Variants in CCDC175 observed in about 807,000 individuals in gnomAD.
CCDC175 encodes the protein coiled-coil domain-containing protein 175.
CCDC175 carries 100 observed loss-of-function variants against 114.6 expected under a neutral mutation model. The ratio of observed to expected loss-of-function variants is 0.87; its 90% CI spans 0.74 to 1.03. CCDC175 has a LOEUF of 1.03. CCDC175 is among the 50% of genes least tolerant of loss of function. The probability of loss-of-function intolerance (pLI) is 0.00; values close to 1 mark genes in which losing one functional copy is unlikely to be tolerated. For synonymous variants in CCDC175, 306 were observed against 308.7 expected (o/e 0.99, Z 0.09); for missense variants, 880 against 917.8 (o/e 0.96, Z 0.53).
intron 1 of CCDC175, 134 bp downstream of exon 1, chr14:59,576,485 C>A: frequency 1.2e-6 from 1 of 808,434 alleles, no homozygotes; most frequent in East Asian, 3.4e-5. Flanking sequence ...CTCCAAGGAG[C>A]GGGGAGAAGG....
chr14:59,559,617 A>G (rs1896115832), intron 7 of CCDC175, among the ~76,000 whole-genome samples: 1 of 152,104 alleles, frequency 6.6e-6, no homozygotes, highest in Non-Finnish European at 1.5e-5. Context: ...TGATTCTTCA[A>G]ATCCACCAAG....
chr14:59,505,276 A>G lies in CCDC175; in HGVS notation c.2345T>C (p.Val782Ala). 1 of 1,510,916 alleles carries G rather than the reference A, an allele frequency of 6.6e-7. No homozygotes were observed. Among genetic ancestry groups the G allele is most frequent in the Non-Finnish European group, 8.9e-7 (1 of 1,129,102 alleles). The allele number at this position is 1,510,916 out of a possible 1,614,324, so 93.6% of individuals were successfully genotyped here. ...KHIRTRVHFP[V>A]VKCTEKNTLT... ...TGTATTTTTCTCAGTACATTTAACCACTGGGAAATGAACCCTTGTACGAAT... is the reference window on the plus strand; with the variant it reads ...TGTATTTTTCTCAGTACATTTAACCGCTGGGAAATGAACCCTTGTACGAAT... Residue 782 changes from valine to alanine, a missense_variant, in exon 20 of 20, where the codon GTG (valine) becomes GCG (alanine). Val to Ala is a moderately conservative substitution (Grantham distance 64, BLOSUM62 0). Coordinates refer to ENST00000537690, the MANE Select transcript of CCDC175 (RefSeq NM_001164399.2).
chr14:59,555,369 A>G (rs894608269), intron 7 of CCDC175, among the ~76,000 whole-genome samples: 2 of 152,234 alleles, frequency 1.3e-5, no homozygotes, highest in Non-Finnish European at 2.9e-5. Context: ...AAGCCACATG[A>G]TTATCTCAAT....
In CCDC175 at chr14:59,510,820, G is replaced by A; in HGVS notation, c.2143-12C>T. On this transcript the variant is annotated splice_polypyrimidine_tract_variant and intron_variant, in intron 18 of 19. Coordinates refer to ENST00000537690, the MANE Select transcript of CCDC175 (RefSeq NM_001164399.2). Reference sequence around the variant, plus strand: ...TTGTCCACCAAGATCTAAAGAAATGGCATTTTAGGCTGTGTCAATATAAAT... The same window carrying A: ...TTGTCCACCAAGATCTAAAGAAATGACATTTTAGGCTGTGTCAATATAAAT... 1 of 1,530,310 alleles carries A rather than the reference G, an allele frequency of 6.5e-7. No homozygotes were observed. The highest frequency in any genetic ancestry group is 8.8e-7 in the Non-Finnish European group (1 of 1,141,788). The allele number at this position is 1,530,310 out of a possible 1,614,324, so 94.8% of individuals were successfully genotyped here.
chr14:59,540,805 ACT>A, intron 10 of CCDC175, 59 bp from the exon 11 acceptor site: 2 of 1,326,848 alleles, frequency 1.5e-6, no homozygotes, highest in East Asian at 5.0e-5. Context: ...TATACAATAG[ACT>A]CTATACGCAT....
At chr14:59,542,938 T>C (rs1271028418) in intron 10 of CCDC175, among the ~76,000 whole-genome samples, 2 of 152,200 alleles carry the variant, frequency 1.3e-5, no homozygotes, top group Non-Finnish European at 2.9e-5. Flanking sequence ...ATGGAGATTT[T>C]AGGGTAACTT....
At chr14:59,549,044 C>T (rs1286722225) in intron 8 of CCDC175, among the ~76,000 whole-genome samples, 7 of 152,188 alleles carry the variant, frequency 4.6e-5, no homozygotes, top group Non-Finnish European at 8.8e-5. Flanking sequence ...GATTTCTCCC[C>T]ATGACCACTA....
At chr14:59,533,139 G>C (rs1255042115) in intron 13 of CCDC175, among the ~76,000 whole-genome samples, 1 of 152,150 alleles carries the variant, frequency 6.6e-6, no homozygotes, top group Non-Finnish European at 1.5e-5. Context: ...CACAGGTGGG[G>C]TTATAGTCTC....
chr14:59,518,382 G>A (rs1384289920), intron 17 of CCDC175, among the ~76,000 whole-genome samples: 9 of 152,024 alleles, frequency 5.9e-5, no homozygotes, highest in Non-Finnish European at 1.3e-4. Flanking sequence ...GAGTGAACAG[G>A]CAACCTACAG....
intron 7 of CCDC175, among the ~76,000 whole-genome samples, chr14:59,557,287 TA>T (rs1257797776): frequency 1.1e-4 from 16 of 151,792 alleles, no homozygotes; most frequent in Non-Finnish European, 1.9e-4. Context: ...TATGCAGCCA[TA>T]AAAAAGGATG....
intron 17 of CCDC175, among the ~76,000 whole-genome samples, chr14:59,515,482 C>G (rs966908709): frequency 2.6e-5 from 4 of 152,028 alleles, no homozygotes; most frequent in African/African-American, 4.8e-5. Context: ...ATCTACCAAA[C>G]AAATGGAAAA....
In CCDC175 at chr14:59,538,052, T is replaced by C. The variant is rs1894518059; in HGVS notation, c.1594A>G (p.Met532Val). The C allele has an allele frequency of 6.5e-7, 1 of 1,530,214 alleles. No individual in the cohort carries two copies. The highest frequency in any genetic ancestry group is 1.4e-5 in the African/African-American group (1 of 72,976). The allele number at this position is 1,530,214 out of a possible 1,614,324, so 94.8% of individuals were successfully genotyped here. A position where few individuals can be genotyped will look rare whatever the true frequency, so the allele number is the denominator to read the frequency against. The change falls in exon 13 of 20, where the codon ATG becomes GTG. Residue 532 changes from methionine (M) to valine (V), a missense_variant. By Grantham distance (21) the Met-to-Val change is conservative. Coordinates refer to ENST00000537690, the MANE Select transcript of CCDC175 (RefSeq NM_001164399.2). The stretch of plus-strand genomic sequence containing the variant: ...TACTTGCTTAACTCTTTCATTAACA[T>C]TTTTTCTTTGTTAACAAATGCTTTC... The part of the protein sequence containing the change: ...EEKAFVNKEK[M>V]LMKELSKYEE...
At position 59,562,304 on chromosome 14, in the gene CCDC175, C is replaced by T. The variant is rs909589291; in HGVS notation, c.844-1076G>A. ...TATCAATGTTACCTGGCTGCAGAGA[C>T]GTCCCATGTGAGTTAATCTGAAATT... is the stretch of plus-strand genomic sequence containing the variant. On this transcript the variant is annotated intron_variant, in intron 6 of 19. Transcript: ENST00000537690. Among the ~76,000 whole-genome samples, 21 of 8,622 alleles carry T rather than the reference C, an allele frequency of 2.4e-3. 2 individuals are homozygous for T. In the Admixed American group the frequency reaches 0.03, roughly 12 times the overall value. The allele number at this position is 8,622 out of a possible 152,430, so 5.7% of individuals were successfully genotyped here. A position where few individuals can be genotyped will look rare whatever the true frequency, so the allele number is the denominator to read the frequency against.
chr14:59,531,707 G>T, intron 14 of CCDC175, 65 bp downstream of exon 14: 2 of 1,179,428 alleles, frequency 1.7e-6, no homozygotes, highest in Non-Finnish European at 2.3e-6. Context: ...ACCTCCTTGT[G>T]TTAGAAGATG....
chr14:59,520,927 T>A (rs971148722), intron 17 of CCDC175, among the ~76,000 whole-genome samples: 5 of 152,230 alleles, frequency 3.3e-5, no homozygotes, highest in African/African-American at 9.6e-5. Context: ...TACAATAGCA[T>A]GTACATTTGT....
At chr14:59,548,134 C>A (rs1895228238) in intron 8 of CCDC175, among the ~76,000 whole-genome samples, 1 of 152,070 alleles carries the variant, frequency 6.6e-6, no homozygotes. Flanking sequence ...AGAAGAAATT[C>A]TTGTCATTTG....
At chr14:59,551,559 G>C in intron 7 of CCDC175, 123 bp from the exon 8 acceptor site, 1 of 503,338 alleles carries the variant, frequency 2.0e-6, no homozygotes, top group Non-Finnish European at 3.5e-6. Context: ...GAAGATGGGT[G>C]ATTTCTGCAT....
chr14:59,538,959 G>T (rs1026627846), intron 11 of CCDC175, 119 bp from the exon 12 acceptor site: 1 of 874,972 alleles, frequency 1.1e-6, no homozygotes, highest in East Asian at 2.7e-5. Context: ...TGTGCTATTA[G>T]TGTTGCAGAC....
At chr14:59,574,890 T>C (rs1274859947) in intron 2 of CCDC175, 53 bp downstream of exon 2, 3 of 984,084 alleles carry the variant, frequency 3.0e-6, no homozygotes, top group Non-Finnish European at 4.5e-6. Context: ...AAATGAAAGT[T>C]TGAAGAAATA....
Sources: gnomAD v4.1 joint callset for allele counts (sites outside exome capture counted in the v4.1 genomes callset) on GRCh38, gnomAD v4.1.1 for gene constraint, MANE v1.5 for transcripts, NCBI Gene and HGNC (gene_info 2026-07-23, HGNC 2026-07-21) for gene names.